Variants in SLX4IP observed in about 807,000 individuals in gnomAD.
SLX4IP encodes SLX4 interacting protein, also known as protein SLX4IP.
In SLX4IP, 34 loss-of-function variants were observed where a neutral mutation model predicts 32.9. The ratio of observed to expected loss-of-function variants is 1.03; its 90% CI spans 0.79 to 1.38. The LOEUF (loss-of-function observed/expected upper bound fraction) is 1.38. Among genes scored for constraint, SLX4IP ranks in the 40% most tolerant of loss-of-function variants. The pLI is 0.00. For synonymous variants in SLX4IP, 172 were observed against 171.7 expected (o/e 1.00, Z -0.01); for missense variants, 444 against 479.0 (o/e 0.93, Z 0.68).
chr20:10,497,167 T>A (rs1289876132), intron 2 of SLX4IP, among the ~76,000 whole-genome samples: 1 of 152,156 alleles, frequency 6.6e-6, no homozygotes, highest in African/African-American at 2.4e-5. Flanking sequence ...TGGGAGTCTG[T>A]CCCTCATTGA....
intron 2 of SLX4IP, among the ~76,000 whole-genome samples, chr20:10,539,290 T>C (rs2066078562): frequency 6.6e-6 from 1 of 152,166 alleles, no homozygotes; most frequent in Non-Finnish European, 1.5e-5. Flanking sequence ...TTGGAAATAT[T>C]ACCTGCTCCT....
chr20:10,440,754 T>C (rs1286647690), intron 1 of SLX4IP, among the ~76,000 whole-genome samples: 1 of 152,202 alleles, frequency 6.6e-6, no homozygotes, highest in Admixed American at 6.5e-5. Context: ...TTAATGATTA[T>C]CAGAACTTTT....
intron 2 of SLX4IP, among the ~76,000 whole-genome samples, chr20:10,479,333 T>G (rs2065501121): frequency 6.7e-6 from 1 of 149,814 alleles, no homozygotes; most frequent in Non-Finnish European, 1.5e-5. Flanking sequence ...CATATTCTCA[T>G]CGCTCAAATT....
At chr20:10,534,290 A>G (rs2066017570) in intron 2 of SLX4IP, among the ~76,000 whole-genome samples, 1 of 152,178 alleles carries the variant, frequency 6.6e-6, no homozygotes, top group Non-Finnish European at 1.5e-5. Flanking sequence ...TCTTTCTGCA[A>G]TATACTTATT....
chr20:10,528,372 G>T (rs2065956816), intron 2 of SLX4IP, among the ~76,000 whole-genome samples: 1 of 151,982 alleles, frequency 6.6e-6, no homozygotes, highest in Admixed American at 6.6e-5. Context: ...TCCTGGTAAG[G>T]CTGAATCATT....
At chr20:10,584,135 C>A (rs974168871) in intron 4 of SLX4IP, among the ~76,000 whole-genome samples, 2 of 151,544 alleles carry the variant, frequency 1.3e-5, no homozygotes, top group African/African-American at 4.8e-5. Context: ...GGTTTTTTTT[C>A]CCCTATAAAA....
chr20:10,480,976 AT>A (rs1460854711), intron 2 of SLX4IP, among the ~76,000 whole-genome samples: 1 of 152,154 alleles, frequency 6.6e-6, no homozygotes, highest in African/African-American at 2.4e-5. Context: ...TCTCCCTATT[AT>A]ATAGGTGACT....
At chr20:10,618,953 G>T (rs966740625) in intron 6 of SLX4IP, among the ~76,000 whole-genome samples, 3 of 138,180 alleles carry the variant, frequency 2.2e-5, no homozygotes, top group African/African-American at 7.8e-5. Context: ...GGGGGCGGGG[G>T]AGGGGAGCAG....
At chr20:10,567,403 C>G (rs1247818322) in intron 4 of SLX4IP, among the ~76,000 whole-genome samples, 1 of 152,018 alleles carries the variant, frequency 6.6e-6, no homozygotes, top group East Asian at 1.9e-4. Context: ...GCCTTTTTGC[C>G]CTTCCTCCTT....
Position 10,473,457 on chromosome 20 carries a change from A to T in SLX4IP, c.27+15226A>T, listed in dbSNP as rs183608070. On this transcript the variant is annotated intron_variant, in intron 2 of 7. Transcript: ENST00000334534. ...AAAGTGTTTAGCACAGTACCAAGTAACCATTTTAGTAAGTGTTAGGCATTA... is the reference window on the plus strand; with the variant it reads ...AAAGTGTTTAGCACAGTACCAAGTATCCATTTTAGTAAGTGTTAGGCATTA... Among the ~76,000 whole-genome samples the T allele has an allele frequency of 3.1e-3, 479 of 152,330 alleles. 4 individuals are homozygous for T. Among genetic ancestry groups the T allele is most frequent in the African/African-American group, 0.011 (451 of 41,554 alleles).
At chr20:10,576,122 T>C (rs957932149) in intron 4 of SLX4IP, among the ~76,000 whole-genome samples, 2 of 152,222 alleles carry the variant, frequency 1.3e-5, no homozygotes, top group African/African-American at 2.4e-5. Context: ...GGAATAAAAG[T>C]GGATAACCTA....
chr20:10,445,669 G>C (rs1472070270), intron 1 of SLX4IP, among the ~76,000 whole-genome samples: 3 of 149,040 alleles, frequency 2.0e-5, no homozygotes, highest in Non-Finnish European at 4.4e-5. Flanking sequence ...CTGTCACTCA[G>C]GCTGGAGTGC....
intron 2 of SLX4IP, among the ~76,000 whole-genome samples, chr20:10,492,391 C>T (rs1477698994): frequency 6.6e-6 from 1 of 152,220 alleles, no homozygotes. Context: ...TTTGGGAATT[C>T]TTGGTATTGC....
intron 4 of SLX4IP, among the ~76,000 whole-genome samples, chr20:10,575,496 C>A (rs997867805): frequency 6.6e-6 from 1 of 152,136 alleles, no homozygotes; most frequent in Non-Finnish European, 1.5e-5. Context: ...AAGGCAGCAA[C>A]TTCTCCTGTG....
intron 2 of SLX4IP, among the ~76,000 whole-genome samples, chr20:10,488,203 C>T (rs1012137777): frequency 1.3e-5 from 2 of 152,144 alleles, no homozygotes; most frequent in Non-Finnish European, 2.9e-5. Context: ...GAAACAGAGT[C>T]TGTAAAGAGG....
intron 4 of SLX4IP, among the ~76,000 whole-genome samples, chr20:10,588,495 G>C (rs775385761): frequency 2.6e-5 from 4 of 152,094 alleles, no homozygotes; most frequent in Admixed American, 2.0e-4. Flanking sequence ...GCAGTCTCAC[G>C]TCTGGGTATA....
intron 2 of SLX4IP, among the ~76,000 whole-genome samples, chr20:10,511,219 A>C (rs2065805565): frequency 6.6e-6 from 1 of 152,178 alleles, no homozygotes; most frequent in African/African-American, 2.4e-5. Context: ...TGTATCCTAC[A>C]TATTTCCCCG....
chr20:10,519,824 T>A (rs1254275745), intron 2 of SLX4IP, among the ~76,000 whole-genome samples: 1 of 152,212 alleles, frequency 6.6e-6, no homozygotes, highest in African/African-American at 2.4e-5. Flanking sequence ...ACTATACCAT[T>A]TTACATTCCT....
At chr20:10,593,514 C>T (rs772247137) in intron 4 of SLX4IP, among the ~76,000 whole-genome samples, 7 of 152,110 alleles carry the variant, frequency 4.6e-5, no homozygotes, top group Admixed American at 6.5e-5. Context: ...GCAGCAGGAT[C>T]GCTTGAGCCC....
Sources: allele counts gnomAD v4.1 joint callset (sites outside exome capture counted in the v4.1 genomes callset), GRCh38; gene constraint gnomAD v4.1.1; transcripts MANE v1.5; gene names NCBI Gene and HGNC (gene_info 2026-07-23, HGNC 2026-07-21).